SIL1: variants seen among roughly 807,000 people sequenced by gnomAD.
The protein encoded by SIL1 is nucleotide exchange factor SIL1.
Under a neutral mutation model 49.1 loss-of-function variants are expected in SIL1, and 40 were observed. The ratio of observed to expected loss-of-function variants is 0.81; its 90% CI spans 0.63 to 1.06. The LOEUF is 1.06. Ranked by LOEUF, SIL1 falls within the 50% of genes least tolerant of loss-of-function variation. SIL1 has a pLI of 0.00. For synonymous variants in SIL1, 253 were observed against 250.8 expected (o/e 1.01, Z -0.08); for missense variants, 500 against 572.6 (o/e 0.87, Z 1.29).
intron 7 of SIL1, among the ~76,000 whole-genome samples, chr5:138,964,371 G>C (rs912952718): frequency 1.3e-5 from 2 of 152,166 alleles, no homozygotes; most frequent in Non-Finnish European, 2.9e-5. Flanking sequence ...TGGGTGCAAG[G>C]GTTGTCTGAA....
chr5:138,998,557 TG>T (rs1434548975), intron 7 of SIL1, among the ~76,000 whole-genome samples: 2 of 152,196 alleles, frequency 1.3e-5, no homozygotes, highest in African/African-American at 2.4e-5. Flanking sequence ...CATCTGATTC[TG>T]GTAAGGGCCT....
chr5:138,965,756 C>T (rs1767125748), intron 7 of SIL1, among the ~76,000 whole-genome samples: 2 of 150,524 alleles, frequency 1.3e-5, no homozygotes, highest in Non-Finnish European at 3.0e-5. Context: ...GCTCTGGAGC[C>T]ACACAGATTT....
At chr5:139,018,406 A>G (rs1413723880) in intron 7 of SIL1, among the ~76,000 whole-genome samples, 1 of 152,092 alleles carries the variant, frequency 6.6e-6, no homozygotes, top group Non-Finnish European at 1.5e-5. Flanking sequence ...CCTGGACAAC[A>G]TGGTGAAACC....
chr5:139,014,380 AAAAG>A (rs1359782361), intron 7 of SIL1, among the ~76,000 whole-genome samples: 1 of 152,088 alleles, frequency 6.6e-6, no homozygotes, highest in Non-Finnish European at 1.5e-5. Context: ...AAAAAAAAAA[AAAAG>A]AGTCAGTTTA....
intron 4 of SIL1, among the ~76,000 whole-genome samples, chr5:139,045,243 G>C (rs900998733): frequency 4.6e-5 from 7 of 152,152 alleles, no homozygotes; most frequent in African/African-American, 1.2e-4. Flanking sequence ...TGTGGCCCCA[G>C]CTACTCAGAA....
rs977523840 is a variant in SIL1 at position 138,948,187 on chromosome 5, A to C, written c.1030-714T>G. 6.6e-6 allele frequency among the ~76,000 whole-genome samples: 1 copy of C among 152,324 alleles called. No homozygotes were observed. The highest frequency in any genetic ancestry group is 2.4e-5 in the African/African-American group (1 of 41,570). The stretch of plus-strand genomic sequence containing the variant: ...AGGCAAGAGGGAAGCCCAGGAGAAG[A>C]GGAGGCCACAGTGGACCACCTGTGC... On this transcript the variant is annotated intron_variant, in intron 9 of 9. Coordinates refer to ENST00000394817, the MANE Select transcript of SIL1 (RefSeq NM_022464.5). The surrounding 1 kb of genome is among the most constrained non-coding windows in gnomAD (Gnocchi z 4.8).
intron 7 of SIL1, among the ~76,000 whole-genome samples, chr5:139,004,567 G>A (rs1318983874): frequency 6.6e-6 from 1 of 151,920 alleles, no homozygotes. Context: ...CTGCACTTTA[G>A]GTAATTTCTT....
intron 6 of SIL1, among the ~76,000 whole-genome samples, chr5:139,021,652 A>G (rs969871001): frequency 6.6e-6 from 1 of 152,128 alleles, no homozygotes; most frequent in Non-Finnish European, 1.5e-5. Flanking sequence ...GCACCACTAA[A>G]TGGTGCCATG....
chr5:139,033,302 T>A (rs1160322419), intron 5 of SIL1, among the ~76,000 whole-genome samples: 2 of 152,092 alleles, frequency 1.3e-5, no homozygotes, highest in Non-Finnish European at 2.9e-5. Context: ...GCCATGTTTG[T>A]CAGTCTTGAT....
chr5:139,063,821 A>G (rs1333422156), intron 3 of SIL1, among the ~76,000 whole-genome samples: 1 of 152,008 alleles, frequency 6.6e-6, no homozygotes, highest in Non-Finnish European at 1.5e-5. Context: ...ACCATTTCTG[A>G]CTCTTGTTTT....
At chr5:139,064,078 C>T (rs1769650572) in intron 3 of SIL1, among the ~76,000 whole-genome samples, 1 of 152,182 alleles carries the variant, frequency 6.6e-6, no homozygotes, top group African/African-American at 2.4e-5. Flanking sequence ...CCCAGGAATC[C>T]TGTCATCATA....
chr5:139,141,631 T>C (rs1439843832), intron 1 of SIL1, among the ~76,000 whole-genome samples: 2 of 152,178 alleles, frequency 1.3e-5, no homozygotes, highest in Non-Finnish European at 2.9e-5. Flanking sequence ...CACTCCAGGT[T>C]GGGCAATAGC....
intron 7 of SIL1, among the ~76,000 whole-genome samples, chr5:139,006,943 G>A (rs1215640818): frequency 6.8e-6 from 1 of 148,064 alleles, no homozygotes; most frequent in African/African-American, 2.5e-5. Context: ...GGTGATGCAG[G>A]CTCTTTTTTG....
chr5:139,062,641 A>G (rs914677529), intron 3 of SIL1, among the ~76,000 whole-genome samples: 2 of 152,174 alleles, frequency 1.3e-5, no homozygotes, highest in African/African-American at 2.4e-5. Context: ...ACCATTCTAC[A>G]CAGAATTCAC....
chr5:139,117,874 G>C (rs1042124842), intron 3 of SIL1, among the ~76,000 whole-genome samples: 1 of 152,116 alleles, frequency 6.6e-6, no homozygotes, highest in African/African-American at 2.4e-5. Context: ...GAAGGCCCAC[G>C]AAGTCATGAG....
chr5:139,188,326 G>A (rs193274246), intron 1 of SIL1, among the ~76,000 whole-genome samples: 1 of 152,288 alleles, frequency 6.6e-6, no homozygotes, highest in African/African-American at 2.4e-5. Context: ...AAAAGATACT[G>A]CAGAGGCTCG....
At chr5:139,021,033 G>T in intron 7 of SIL1, 138 bp downstream of exon 7, 1 of 1,258,996 alleles carries the variant, frequency 7.9e-7, no homozygotes, top group Non-Finnish European at 1.1e-6. Flanking sequence ...TGGAATAAGG[G>T]CAGAATCAAA....
chr5:138,953,106 C>T (rs1456089035), intron 7 of SIL1, among the ~76,000 whole-genome samples: 2 of 152,226 alleles, frequency 1.3e-5, no homozygotes, highest in Non-Finnish European at 2.9e-5. Flanking sequence ...ACAAAGGACA[C>T]CGCAGTCTAC....
intron 7 of SIL1, among the ~76,000 whole-genome samples, chr5:139,010,954 A>T (rs1428722018): frequency 5.4e-5 from 8 of 147,816 alleles, no homozygotes; most frequent in African/African-American, 2.0e-4. Context: ...GAGCCTACAG[A>T]GGCAGGCAGG....
Sources: gnomAD v4.1 joint callset for allele counts (sites outside exome capture counted in the v4.1 genomes callset) on GRCh38, gnomAD v4.1.1 for gene constraint, Gnocchi (gnomAD v3.1) non-coding constraint, MANE v1.5 for transcripts, NCBI Gene and HGNC (gene_info 2026-07-23, HGNC 2026-07-21) for gene names.